The following CIT variants were observed in gnomAD, a reference collection of about 807,000 sequenced individuals.
CIT encodes citron rho-interacting serine/threonine kinase.
A neutral mutation model predicts 272.7 loss-of-function variants in CIT; 79 were observed. The ratio of observed to expected loss-of-function variants is 0.29; its 90% CI spans 0.24 to 0.35. CIT has a LOEUF of 0.35. CIT is among the 10% of genes least tolerant of loss of function. The pLI is 1.00. For missense variants in CIT, 1,909 were observed against 2,618.3 expected (o/e 0.73, Z 5.91); for synonymous variants, 948 against 995.6 (o/e 0.95, Z 0.90).
chr12:119,740,166 C>T (rs1044033378), intron 24 of CIT, among the ~76,000 whole-genome samples: 5 of 152,124 alleles, frequency 3.3e-5, no homozygotes, highest in Admixed American at 2.6e-4. Flanking sequence ...CCATAGGCTT[C>T]GCCACAGAAC....
At chr12:119,853,611 T>G (rs1970378118) in intron 4 of CIT, among the ~76,000 whole-genome samples, 1 of 152,132 alleles carries the variant, frequency 6.6e-6, no homozygotes, top group African/African-American at 2.4e-5. Context: ...CTATTAAATG[T>G]TTTTACATAG....
intron 13 of CIT, 36 bp downstream of exon 13, chr12:119,782,482 C>T (rs779690723): frequency 3.2e-5 from 51 of 1,607,984 alleles, no homozygotes; most frequent in Middle Eastern, 3.7e-4. Context: ...CCAAGCAAGC[C>T]GAGATGCTGC....
chr12:119,831,990 T>C (rs1404530050), intron 7 of CIT, among the ~76,000 whole-genome samples: 3 of 152,242 alleles, frequency 2.0e-5, no homozygotes, highest in African/African-American at 7.2e-5. Context: ...TTATGCATTT[T>C]CACTAGCATC....
At position 119,718,978 on chromosome 12, in the gene CIT, G is replaced by T; in HGVS notation, c.3841-117C>A. On this transcript the variant is annotated intron_variant, in intron 30 of 47. Coordinates refer to ENST00000392521, the MANE Select transcript of CIT (RefSeq NM_001206999.2). This position sits in a 1 kb window ranked among gnomAD's most constrained non-coding sequence, Gnocchi z 4.8. ...AAAGCCAGGAGCATACTCACTGTAA[G>T]TGTATTTAGTAAAAATGGCATGTGA... 2 of 978,224 alleles carry T rather than the reference G, an allele frequency of 2.0e-6. No homozygotes were observed. Among genetic ancestry groups the T allele is most frequent in the Non-Finnish European group, 3.1e-6 (2 of 655,708 alleles). 60.6% of individuals were successfully genotyped at this position (978,224 alleles called of 1,614,324 possible).
chr12:119,847,800 A>C (rs971892963), intron 5 of CIT, among the ~76,000 whole-genome samples: 1 of 152,106 alleles, frequency 6.6e-6, no homozygotes, highest in Non-Finnish European at 1.5e-5. Flanking sequence ...CTGAGGCAAG[A>C]GAATCGCTTG....
chr12:119,718,471 C>A lies in CIT; in HGVS notation c.4004-62G>T. The A allele has an allele frequency of 6.5e-7, 1 of 1,545,546 alleles. No homozygotes were observed. The highest frequency in any genetic ancestry group is 1.2e-5 in the South Asian group (1 of 81,038). ...GGGTCGCCTAGAGGACCAAACTAAG[C>A]CGAATGTCCCTGGGCTATCTTTCAA... On this transcript the variant is annotated intron_variant, in intron 31 of 47. Coordinates refer to ENST00000392521, the MANE Select transcript of CIT (RefSeq NM_001206999.2). The surrounding 1 kb of genome is among the most constrained non-coding windows in gnomAD (Gnocchi z 4.8).
At chr12:119,834,804 T>C (rs1968883129) in intron 5 of CIT, among the ~76,000 whole-genome samples, 1 of 152,194 alleles carries the variant, frequency 6.6e-6, no homozygotes, top group Non-Finnish European at 1.5e-5. Context: ...GATAAATAGA[T>C]TCCTTGCAGT....
chr12:119,794,332 C>T (rs1391767583), intron 10 of CIT, among the ~76,000 whole-genome samples: 1 of 152,182 alleles, frequency 6.6e-6, no homozygotes, highest in African/African-American at 2.4e-5. Context: ...TACTTCTGTG[C>T]CCCCAGGCAG....
chr12:119,704,257 A>AT, intron 41 of CIT, 106 bp downstream of exon 41: 1 of 1,029,574 alleles, frequency 9.7e-7, no homozygotes, highest in South Asian at 1.4e-5. Context: ...GGGTAGAAGG[A>AT]ACCCAGTACA....
At position 119,854,885 on chromosome 12, in the gene CIT, G is replaced by A. The variant is rs138424645; in HGVS notation, c.414+2638C>T. Reference sequence around the variant, plus strand: ...AGAATCGCTTGAACCTGGGAGGCGGGGTTGCAGTGAGCCGAGATCGTGCCA... The same window carrying A: ...AGAATCGCTTGAACCTGGGAGGCGGAGTTGCAGTGAGCCGAGATCGTGCCA... On this transcript the variant is annotated intron_variant, in intron 4 of 47. Transcript: ENST00000392521. Among the ~76,000 whole-genome samples, 1,203 of 151,786 alleles carry A rather than the reference G, an allele frequency of 7.9e-3. 13 individuals carry two copies. Among genetic ancestry groups the A allele is most frequent in the African/African-American group, 0.027 (1,138 of 41,406 alleles).
At position 119,718,240 on chromosome 12, in the gene CIT, C is replaced by T. The variant is rs375381151; in HGVS notation, c.4168+5G>A. 4.4e-5 allele frequency: 70 copies of T among 1,607,958 alleles called. No individual in the cohort carries two copies. The African/African-American group carries it at 5.1e-4, about 12-fold the overall frequency. On this transcript the variant is annotated splice_donor_5th_base_variant and intron_variant, in intron 32 of 47. Coordinates refer to ENST00000392521, the MANE Select transcript of CIT (RefSeq NM_001206999.2). The surrounding 1 kb of genome is among the most constrained non-coding windows in gnomAD (Gnocchi z 4.8). Reference sequence around the variant, plus strand: ...AAAAGAAATTTCCATACAACTCCAACGTACCCTCTGGAGTTGAAGACTCCT... The same window carrying T: ...AAAAGAAATTTCCATACAACTCCAATGTACCCTCTGGAGTTGAAGACTCCT...
rs1446453358 is a variant in CIT at position 119,710,214 on chromosome 12, A to G, written c.5071+37T>C. On this transcript the variant is annotated intron_variant, in intron 39 of 47. Coordinates refer to ENST00000392521, the MANE Select transcript of CIT (RefSeq NM_001206999.2). The surrounding 1 kb of genome is among the most constrained non-coding windows in gnomAD (Gnocchi z 5.6). ...TGGCTTCAACATATTGGCTCCCTTG[A>G]AAGTAAAGAAAAAACACCATGTCCT... 1 of 1,600,260 alleles carries G rather than the reference A, an allele frequency of 6.2e-7. No individual in the cohort carries two copies. The highest frequency in any genetic ancestry group is 1.4e-5 in the African/African-American group (1 of 73,844).
At chr12:119,788,381 A>G (rs1251108281) in intron 10 of CIT, among the ~76,000 whole-genome samples, 1 of 152,142 alleles carries the variant, frequency 6.6e-6, no homozygotes, top group Non-Finnish European at 1.5e-5. Flanking sequence ...CCACGGAGAG[A>G]GTGGTGATCC....
intron 24 of CIT, among the ~76,000 whole-genome samples, chr12:119,739,419 T>C (rs1014408679): frequency 3.3e-5 from 5 of 152,250 alleles, no homozygotes; most frequent in African/African-American, 1.2e-4. Flanking sequence ...ACTCCCATAA[T>C]AACTCATTTT....
At position 119,712,655 on chromosome 12, in the gene CIT, G is replaced by A. The variant is rs768841319; in HGVS notation, c.4620C>T (p.Pro1540=). 16 of 1,614,018 alleles carry A rather than the reference G, an allele frequency of 9.9e-6. No homozygotes were observed. Among genetic ancestry groups the A allele is most frequent in the Admixed American group, 5.0e-5 (3 of 59,990 alleles). ...CACCATGAATAGATACATCCCCGTC[G>A]GGAAGGCACAGCTCAAATTCTTCCA... is the stretch of plus-strand genomic sequence containing the variant. ...RPVEEFELCL[P]DGDVSIHGAV... is the part of the protein sequence containing the mutation. Residue 1540 remains proline, a synonymous_variant, in exon 36 of 48, where the codon CCC becomes CCT. Transcript: ENST00000392521. This position sits in a 1 kb window ranked among gnomAD's most constrained non-coding sequence, Gnocchi z 5.2.
intron 9 of CIT, among the ~76,000 whole-genome samples, chr12:119,817,462 A>G (rs1227361692): frequency 6.6e-6 from 1 of 152,042 alleles, no homozygotes; most frequent in Non-Finnish European, 1.5e-5. Context: ...CAGTGAGCCG[A>G]GATCACGCCA....
rs1411545429 is a variant in CIT, at chr12:119,694,717, G to A, written c.5882+2942C>T. On this transcript the variant is annotated intron_variant, in intron 46 of 47. Coordinates refer to ENST00000392521, the MANE Select transcript of CIT (RefSeq NM_001206999.2). This position sits in a 1 kb window ranked among gnomAD's most constrained non-coding sequence, Gnocchi z 4.5. Reference sequence around the variant, plus strand: ...TACTCGGGGGGAGGCTGAAGTCGGGGGCTCTCTTGAGCCCAGGAGGCGGAG... The same window carrying A: ...TACTCGGGGGGAGGCTGAAGTCGGGAGCTCTCTTGAGCCCAGGAGGCGGAG... Among the ~76,000 whole-genome samples the A allele has an allele frequency of 1.3e-5, 2 of 151,978 alleles. No individual in the cohort carries two copies. Among genetic ancestry groups the A allele is most frequent in the Non-Finnish European group, 2.9e-5 (2 of 68,012 alleles).
chr12:119,707,134 C>T (rs756476737), intron 40 of CIT, among the ~76,000 whole-genome samples: 6 of 151,986 alleles, frequency 3.9e-5, no homozygotes, highest in Non-Finnish European at 8.8e-5. Flanking sequence ...CATGGAGATC[C>T]ACATTAGATT....
chr12:119,828,830 A>T (rs1968373187), intron 7 of CIT, among the ~76,000 whole-genome samples: 1 of 152,158 alleles, frequency 6.6e-6, no homozygotes, highest in Admixed American at 6.5e-5. Context: ...GGCCTCCCAA[A>T]GTGCTGGGAT....
Sources: allele counts gnomAD v4.1 joint callset (sites outside exome capture counted in the v4.1 genomes callset), GRCh38; gene constraint gnomAD v4.1.1; non-coding constraint Gnocchi (gnomAD v3.1); transcripts MANE v1.5; gene names NCBI Gene and HGNC (gene_info 2026-07-23, HGNC 2026-07-21).